The following KIAA0586 variants were observed in gnomAD, a reference collection of about 807,000 sequenced individuals.
KIAA0586 encodes the protein KIAA0586.
In KIAA0586, 144 loss-of-function variants were observed where a neutral mutation model predicts 169.8. The observed-to-expected ratio is 0.85, with a 90% CI of 0.74 to 0.97. The LOEUF is 0.97. Among genes scored for constraint, KIAA0586 ranks in the 50% least tolerant of loss-of-function variants. KIAA0586 has a pLI of 0.00. For synonymous variants in KIAA0586, 625 were observed against 612.4 expected (o/e 1.02, Z -0.30); for missense variants, 1,854 against 1,823.0 (o/e 1.02, Z -0.31).
intron 12 of KIAA0586, among the ~76,000 whole-genome samples, chr14:58,459,299 G>GGTACTATATTTTGT (rs1401827702): frequency 6.6e-6 from 1 of 151,956 alleles, no homozygotes; most frequent in Admixed American, 6.6e-5. Flanking sequence ...ATTTATTTTA[G>GGTACTATATTTTGT]GTACTATATG....
chr14:58,432,288 C>T (rs959597131), intron 3 of KIAA0586, 100 bp from the exon 4 acceptor site: 2 of 700,620 alleles, frequency 2.9e-6, no homozygotes, highest in Non-Finnish European at 4.8e-6. Flanking sequence ...GGCTGAGTTC[C>T]TAAACATTCT....
At chr14:58,551,669 GAC>G (rs1872590959), downstream of KIAA0586, among the ~76,000 whole-genome samples, 1 of 152,104 alleles carries the variant, frequency 6.6e-6, no homozygotes, top group African/African-American at 2.4e-5. Context: ...GGCTGACTGA[GAC>G]AGGAGAATTG....
At chr14:58,512,396 C>G in intron 28 of KIAA0586, 126 bp from the exon 29 acceptor site, 3 of 549,824 alleles carry the variant, frequency 5.5e-6, no homozygotes, top group Admixed American at 7.8e-5. Context: ...AAATAAAAAG[C>G]AATAAAAAGC....
At position 58,488,837 on chromosome 14, in the gene KIAA0586, G is replaced by T; in HGVS notation, c.3744G>T (p.Glu1248Asp). ...TAGATAAACCCATCTCTGAAGGAGAGATTTTATTTAGCTGTGGTCAAAAAT... is the reference window on the plus strand; with the variant it reads ...TAGATAAACCCATCTCTGAAGGAGATATTTTATTTAGCTGTGGTCAAAAAT... ...ETLDKPISEG[E>D]ILFSCGQKLA... The change falls in exon 24 of 31, where the codon GAG (glutamate) becomes GAT (aspartate). Residue 1248 changes from glutamate to aspartate, a missense_variant. Transcript: ENST00000652326. 1 of 1,613,790 alleles carries T rather than the reference G, an allele frequency of 6.2e-7. No homozygotes were observed.
chr14:58,477,144 A>G lies in KIAA0586; in HGVS notation c.2847A>G (p.Ser949=). 1 of 1,568,152 alleles carries G rather than the reference A, an allele frequency of 6.4e-7. No individual in the cohort carries two copies. Among genetic ancestry groups the G allele is most frequent in the African/African-American group, 1.3e-5 (1 of 74,216 alleles). Residue 949 remains serine, a synonymous_variant, in exon 20 of 31, where the codon TCA becomes TCG. Transcript: ENST00000652326. The part of the protein sequence containing the change: ...LIQWVEQEIM[S]RIISGLFPVQ... ...TCAGGGTAGAGCAAGAAATAATGTC[A>G]AGAATTATCTCTGGGCTCTTTCCAG...
downstream of KIAA0586, among the ~76,000 whole-genome samples, chr14:58,552,675 C>T (rs1444624141): frequency 6.6e-6 from 1 of 152,164 alleles, no homozygotes; most frequent in African/African-American, 2.4e-5. Flanking sequence ...TCTGAAGAGA[C>T]CCAAATGATG....
chr14:58,492,191 A>G lies in KIAA0586; in HGVS notation c.3906A>G (p.Lys1302=), dbSNP rs1331367579. 1 of 1,550,350 alleles carries G rather than the reference A, an allele frequency of 6.5e-7. No homozygotes were observed. Among genetic ancestry groups the G allele is most frequent in the Admixed American group, 2.0e-5 (1 of 50,906 alleles). ...SEGQVIRMSH[K]KFHADAILSF... ...GGCAAGTGATTAGGATGTCCCATAA[A>G]AAATTTCATGCAGATGCAATTCTTT... Residue 1302 remains lysine (K), a synonymous_variant, in exon 26 of 31, where the codon AAA becomes AAG. Transcript: ENST00000652326.
intron 29 of KIAA0586, among the ~76,000 whole-genome samples, chr14:58,535,035 A>G (rs1266736864): frequency 6.6e-6 from 1 of 152,186 alleles, no homozygotes; most frequent in East Asian, 1.9e-4. Context: ...CTACTCCCAC[A>G]AGCATAAAGC....
chr14:58,492,836 A>G (rs1027936018), intron 26 of KIAA0586, among the ~76,000 whole-genome samples: 2 of 152,234 alleles, frequency 1.3e-5, no homozygotes, highest in African/African-American at 2.4e-5. Context: ...CAGAAATACC[A>G]TTTGTTAAGG....
At chr14:58,443,900 CAT>C in intron 5 of KIAA0586, 52 bp from the exon 6 acceptor site, 1 of 1,010,992 alleles carries the variant, frequency 9.9e-7, no homozygotes, top group Non-Finnish European at 1.5e-6. Context: ...AGTAATTAGA[CAT>C]ATTTTTGGTA....
chr14:58,453,487 A>G lies in KIAA0586; in HGVS notation c.1253+14A>G. 1.4e-6 allele frequency: 2 copies of G among 1,476,280 alleles called. No individual in the cohort carries two copies. The highest frequency in any genetic ancestry group is 1.5e-5 in the South Asian group (1 of 68,804). 91.4% of individuals were successfully genotyped at this position (1,476,280 alleles called of 1,614,324 possible). A position where few individuals can be genotyped will look rare whatever the true frequency, so the allele number is the denominator to read the frequency against. ...GAAAACAAACAGGTAAAAACAAGAG[A>G]TTGGAATGAAAACTAGATTGAAAAG... On this transcript the variant is annotated intron_variant, in intron 9 of 30. Transcript: ENST00000652326.
chr14:58,498,357 G>A (rs2043308253), intron 26 of KIAA0586, among the ~76,000 whole-genome samples: 1 of 151,620 alleles, frequency 6.6e-6, no homozygotes. Flanking sequence ...TGTATTTTTT[G>A]TCGAGACAGG....
the KIAA0586 span, among the ~76,000 whole-genome samples, chr14:58,561,919 C>T: frequency 5.9e-5 from 9 of 152,060 alleles, no homozygotes; most frequent in African/African-American, 1.4e-4. Context: ...CCCCATAAGC[C>T]GTCAGTACCA....
intron 29 of KIAA0586, among the ~76,000 whole-genome samples, chr14:58,519,925 T>C (rs2045070520): frequency 6.6e-6 from 1 of 152,232 alleles, no homozygotes; most frequent in Non-Finnish European, 1.5e-5. Flanking sequence ...TGTCTCTTTT[T>C]AATGTAGACA....
intron 9 of KIAA0586, among the ~76,000 whole-genome samples, chr14:58,456,144 A>G (rs776226611): frequency 1.1e-4 from 17 of 152,038 alleles, no homozygotes; most frequent in Non-Finnish European, 2.4e-4. Flanking sequence ...AAACCATTCT[A>G]CTGTCTTTAG....
intron 4 of KIAA0586, among the ~76,000 whole-genome samples, chr14:58,436,514 C>A (rs2037833313): frequency 6.6e-6 from 1 of 151,984 alleles, no homozygotes; most frequent in Non-Finnish European, 1.5e-5. Context: ...CAAGTTATTA[C>A]AAAATTAGCA....
intron 5 of KIAA0586, 73 bp from the exon 6 acceptor site, chr14:58,443,881 A>G: frequency 1.1e-6 from 1 of 892,736 alleles, no homozygotes; most frequent in Non-Finnish European, 1.7e-6. Flanking sequence ...TGATTTAAAT[A>G]ACATTTCTAG....
At chr14:58,523,129 A>T (rs180963886) in intron 29 of KIAA0586, among the ~76,000 whole-genome samples, 23 of 152,186 alleles carry the variant, frequency 1.5e-4, no homozygotes, top group Admixed American at 4.6e-4. Context: ...AGCAAAATGC[A>T]TAAAGGATTG....
chr14:58,461,161 G>A lies in KIAA0586; in HGVS notation c.2059+1G>A, dbSNP rs745726585. The A allele has an allele frequency of 1.3e-6, 2 of 1,549,460 alleles. No individual in the cohort carries two copies. Among genetic ancestry groups the A allele is most frequent in the African/African-American group, 2.8e-5 (2 of 71,254 alleles). On this transcript the variant is annotated splice_donor_variant, in intron 14 of 30. Transcript: ENST00000652326. LOFTEE classifies it high-confidence loss of function. ...CCAAAAGTAATAGAACGAGTTAAAGGTAAGGAATCTCATTTTTAATGTTTA... is the reference window on the plus strand; with the variant it reads ...CCAAAAGTAATAGAACGAGTTAAAGATAAGGAATCTCATTTTTAATGTTTA...
Sources: allele counts gnomAD v4.1 joint callset (sites outside exome capture counted in the v4.1 genomes callset), GRCh38; gene constraint gnomAD v4.1.1; transcripts MANE v1.5; gene names NCBI Gene and HGNC (gene_info 2026-07-23, HGNC 2026-07-21).